The following UBE2J1 variants were observed in gnomAD, a reference collection of about 807,000 sequenced individuals.
UBE2J1 encodes ubiquitin conjugating enzyme E2 J1, also known as ubiquitin-conjugating enzyme E2 J1.
Under a neutral mutation model 42.1 loss-of-function variants are expected in UBE2J1, and 17 were observed. The ratio of observed to expected loss-of-function variants is 0.40; its 90% CI spans 0.28 to 0.61. The LOEUF is 0.61. Ranked by LOEUF, UBE2J1 falls within the 20% of genes least tolerant of loss-of-function variation. The pLI is 0.38. For missense variants in UBE2J1, 291 were observed against 389.4 expected (o/e 0.75, Z 2.13); for synonymous variants, 127 against 137.2 (o/e 0.93, Z 0.52).
chr6:89,328,524 G>A lies in UBE2J1; in HGVS notation c.*1155C>T, dbSNP rs939878881. On this transcript the variant is annotated 3_prime_UTR_variant, in exon 8 of 8. Coordinates refer to ENST00000435041, the MANE Select transcript of UBE2J1 (RefSeq NM_016021.3). ...CTTCATTAACAACACCCTCAAGAGTGCCCTCAGTGCTGCGAACTGAACATG... is the reference window on the plus strand; with the variant it reads ...CTTCATTAACAACACCCTCAAGAGTACCCTCAGTGCTGCGAACTGAACATG... 1.3e-5 allele frequency: 2 copies of A among 152,148 alleles called. No homozygotes were observed. The highest frequency in any genetic ancestry group is 2.9e-5 in the Non-Finnish European group (2 of 68,022). The allele number at this position is 152,148 out of a possible 1,614,324, so 9.4% of individuals were successfully genotyped here. A position where few individuals can be genotyped will look rare whatever the true frequency, so the allele number is the denominator to read the frequency against.
chr6:89,342,308 A>T lies in UBE2J1; in HGVS notation c.237+16T>A. The T allele has an allele frequency of 6.2e-7, 1 of 1,613,716 alleles. No homozygotes were observed. Among genetic ancestry groups the T allele is most frequent in the Non-Finnish European group, 8.5e-7 (1 of 1,179,814 alleles). ...AGAGTGAAGCCACAAGCACTCTAAA[A>T]ATCCAAAATTCTTACCGTTAGGAGA... is the stretch of plus-strand genomic sequence containing the variant. On this transcript the variant is annotated intron_variant, in intron 3 of 7. Transcript: ENST00000435041.
At position 89,335,347 on chromosome 6, in the gene UBE2J1, T is replaced by C; in HGVS notation, c.513A>G (p.Gln171=). ...LPLKSGSDSS[Q]ADQEAKELAR... ...CCAGTTCTTTGGCTTCTTGGTCAGC[T>C]TGGCTTGAATCGCTTCCAGATTTTA... The change falls in exon 6 of 8, where the codon CAA becomes CAG. Residue 171 remains glutamine, a synonymous_variant. Coordinates refer to ENST00000435041, the MANE Select transcript of UBE2J1 (RefSeq NM_016021.3). 1 of 1,609,952 alleles carries C rather than the reference T, an allele frequency of 6.2e-7. No individual in the cohort carries two copies. Among genetic ancestry groups the C allele is most frequent in the Non-Finnish European group, 8.5e-7 (1 of 1,177,316 alleles).
At chr6:89,352,448 T>C (rs1241900620) in intron 1 of UBE2J1, 91 bp downstream of exon 1, 2 of 1,397,258 alleles carry the variant, frequency 1.4e-6, no homozygotes, top group East Asian at 5.9e-5. Flanking sequence ...GAGCCGCGAG[T>C]GGCGCCAGAC....
chr6:89,350,376 G>A (rs1002177305), intron 1 of UBE2J1, among the ~76,000 whole-genome samples: 3 of 152,042 alleles, frequency 2.0e-5, no homozygotes, highest in Non-Finnish European at 4.4e-5. Context: ...TGTGCACCCT[G>A]CCATACACAG....
At chr6:89,330,392 C>A (rs1185983404) in intron 7 of UBE2J1, among the ~76,000 whole-genome samples, 1 of 152,074 alleles carries the variant, frequency 6.6e-6, no homozygotes, top group African/African-American at 2.4e-5. Context: ...ATCAAGCGAT[C>A]CTCCTGCCTT....
intron 1 of UBE2J1, among the ~76,000 whole-genome samples, chr6:89,348,288 TG>T (rs984262815): frequency 1.5e-4 from 23 of 152,354 alleles, no homozygotes; most frequent in African/African-American, 5.5e-4. Context: ...ATGGACACTC[TG>T]GAGCCATGCT....
chr6:89,335,491 T>C, intron 5 of UBE2J1, 60 bp from the exon 6 acceptor site: 1 of 1,294,972 alleles, frequency 7.7e-7, no homozygotes, highest in Non-Finnish European at 1.0e-6. Flanking sequence ...TCCCTCTCAC[T>C]GAGACACTCA....
intron 1 of UBE2J1, among the ~76,000 whole-genome samples, chr6:89,351,373 A>AT (rs1768477731): frequency 6.6e-6 from 1 of 151,912 alleles, no homozygotes; most frequent in Non-Finnish European, 1.5e-5. Flanking sequence ...TCTTCATCAG[A>AT]TTTTTTTAAG....
chr6:89,329,330 T>C lies in UBE2J1; in HGVS notation c.*349A>G, dbSNP rs115836102. ...GGTATTGAGTAACTAGTAATACTCA[T>C]TGGAACTTAAAACATCATCTTTTAT... On this transcript the variant is annotated 3_prime_UTR_variant, in exon 8 of 8. Transcript: ENST00000435041. 1,572 of 295,294 alleles carry C rather than the reference T, an allele frequency of 5.3e-3. 25 individuals carry two copies. Among genetic ancestry groups the C allele is most frequent in the African/African-American group, 0.033 (1,442 of 43,766 alleles). The allele number at this position is 295,294 out of a possible 1,614,324, so 18.3% of individuals were successfully genotyped here.
intron 1 of UBE2J1, among the ~76,000 whole-genome samples, chr6:89,349,494 G>A (rs1768425823): frequency 6.6e-6 from 1 of 152,156 alleles, no homozygotes; most frequent in South Asian, 2.1e-4. Flanking sequence ...GATGGAGCAA[G>A]GAAGCGACCA....
At chr6:89,337,226 CT>C (rs202105618) in intron 5 of UBE2J1, among the ~76,000 whole-genome samples, 3,600 of 135,898 alleles carry the variant, frequency 0.026, 161 homozygotes, top group East Asian at 0.22. Flanking sequence ...AACTCCAGTT[CT>C]TTTTTTTTTT....
intron 7 of UBE2J1, among the ~76,000 whole-genome samples, chr6:89,331,829 GA>G (rs971681623): frequency 2.6e-5 from 4 of 151,538 alleles, no homozygotes; most frequent in African/African-American, 7.3e-5. Flanking sequence ...GCTTCTATTA[GA>G]AAAAAAACTA....
chr6:89,338,390 G>C, intron 4 of UBE2J1, 69 bp downstream of exon 4: 1 of 1,562,574 alleles, frequency 6.4e-7, no homozygotes. Context: ...AAAAATCAGA[G>C]TATTATACTT....
Position 89,338,563 on chromosome 6 carries a change from T to C in UBE2J1, c.238-20A>G. 2.0e-6 allele frequency: 3 copies of C among 1,476,080 alleles called. No individual in the cohort carries two copies. Among genetic ancestry groups the C allele is most frequent in the Non-Finnish European group, 2.7e-6 (3 of 1,101,682 alleles). 91.4% of individuals were successfully genotyped at this position (1,476,080 alleles called of 1,614,324 possible). On this transcript the variant is annotated intron_variant, in intron 3 of 7. Transcript: ENST00000435041. ...ATTAGCCTGAGGAATAAACAATGCATTTAGAAAATTAAATACATGTGCTTA... is the reference window on the plus strand; with the variant it reads ...ATTAGCCTGAGGAATAAACAATGCACTTAGAAAATTAAATACATGTGCTTA...
chr6:89,335,598 T>C (rs1050986567), intron 5 of UBE2J1, among the ~76,000 whole-genome samples, 167 bp from the exon 6 acceptor site: 1 of 152,208 alleles, frequency 6.6e-6, no homozygotes, highest in African/African-American at 2.4e-5. Context: ...GTAATGATTA[T>C]AGTCCTGAGA....
chr6:89,344,709 C>T lies in UBE2J1; in HGVS notation c.32-953G>A, dbSNP rs189394363. Among the ~76,000 whole-genome samples the T allele has an allele frequency of 3.8e-3, 574 of 152,326 alleles. 1 individual carries two copies. The highest frequency in any genetic ancestry group is 0.013 in the African/African-American group (546 of 41,568). ...TCCCCACATTTCTCTAGTAGGCCTT[C>T]CAGCCTACTCTTTCCACCTAGCACT... On this transcript the variant is annotated intron_variant, in intron 1 of 7. Coordinates refer to ENST00000435041, the MANE Select transcript of UBE2J1 (RefSeq NM_016021.3).
chr6:89,331,879 G>A (rs918707975), intron 7 of UBE2J1, among the ~76,000 whole-genome samples: 7 of 152,062 alleles, frequency 4.6e-5, no homozygotes, highest in African/African-American at 1.7e-4. Context: ...TCAATATCTT[G>A]AACTAAAACA....
chr6:89,342,535 C>A, intron 2 of UBE2J1, 80 bp from the exon 3 acceptor site: 1 of 1,343,662 alleles, frequency 7.4e-7, no homozygotes, highest in Non-Finnish European at 1.0e-6. Flanking sequence ...GAAATATTAC[C>A]AAGCAAGAAA....
chr6:89,342,174 G>T, intron 3 of UBE2J1, 150 bp downstream of exon 3: 2 of 687,962 alleles, frequency 2.9e-6, no homozygotes, highest in Non-Finnish European at 4.8e-6. Flanking sequence ...GAATTATTTT[G>T]GAGGAAAAAA....
Sources: allele counts gnomAD v4.1 joint callset (sites outside exome capture counted in the v4.1 genomes callset), GRCh38; gene constraint gnomAD v4.1.1; transcripts MANE v1.5; gene names NCBI Gene and HGNC (gene_info 2026-07-23, HGNC 2026-07-21).